The following SLC8A3 variants were observed in gnomAD, a reference collection of about 807,000 sequenced individuals.
SLC8A3 encodes sodium/calcium exchanger 3.
A neutral mutation model predicts 65.4 loss-of-function variants in SLC8A3; 37 were observed. That is an observed-to-expected ratio of 0.57 (90% CI 0.44 to 0.74). The LOEUF is 0.74. Ranked by LOEUF, SLC8A3 falls within the 30% of genes least tolerant of loss-of-function variation. The pLI is 0.00. For missense variants in SLC8A3, 1,112 were observed against 1,172.1 expected, an observed-to-expected ratio of 0.95 and a Z score of 0.75; for synonymous variants, 461 against 444.5, an observed-to-expected ratio of 1.04 and a Z score of -0.47.
chr14:70,169,305 G>C (rs970744176), intron 1 of SLC8A3, among the ~76,000 whole-genome samples: 3 of 152,158 alleles, frequency 2.0e-5, no homozygotes, highest in Admixed American at 2.0e-4. Context: ...GGCCATGTAA[G>C]TTGTGCCCAA....
intron 5 of SLC8A3, among the ~76,000 whole-genome samples, 185 bp downstream of exon 5, chr14:70,050,823 A>G (rs1394745091): frequency 6.6e-6 from 1 of 152,172 alleles, no homozygotes; most frequent in Non-Finnish European, 1.5e-5. Context: ...ACGATTTGAA[A>G]CCAGAGATAA....
Position 70,167,722 on chromosome 14 carries a change from C to G in SLC8A3, c.701G>C (p.Gly234Ala), listed in dbSNP as rs372758774. 7.4e-6 allele frequency: 12 copies of G among 1,613,996 alleles called. No homozygotes were observed. The highest frequency in any genetic ancestry group is 6.7e-5 in the African/African-American group (5 of 74,902). The change falls in exon 2 of 7, where the codon GGC becomes GCC. Residue 234 changes from glycine (G) to alanine (A), a missense_variant. By Grantham distance (60) the Gly-to-Ala change is moderately conservative (BLOSUM62 0). Coordinates refer to ENST00000356921, the MANE Select transcript of SLC8A3 (RefSeq NM_182932.3). The part of the protein sequence containing the change: ...FSPGVVQVWE[G>A]LLTLFFFPVC... ...TGGAAAGAAGAAGAGAGTGAGGAGG[C>G]CTTCCCAAACCTGGACCACACCAGG...
At position 70,166,626 on chromosome 14, in the gene SLC8A3, G is replaced by A. The variant is rs770580779; in HGVS notation, c.1784+13C>T. Reference sequence around the variant, plus strand: ...GGGGTCAGGGAGGGGCAGAATACAGGAAGGTTACTTACACAGTTTCATCAT... The same window carrying A: ...GGGGTCAGGGAGGGGCAGAATACAGAAAGGTTACTTACACAGTTTCATCAT... On this transcript the variant is annotated intron_variant, in intron 2 of 6. Transcript: ENST00000356921. 1 of 1,485,740 alleles carries A rather than the reference G, an allele frequency of 6.7e-7. No homozygotes were observed. Among genetic ancestry groups the A allele is most frequent in the Non-Finnish European group, 9.2e-7 (1 of 1,081,412 alleles). The allele number at this position is 1,485,740 out of a possible 1,614,324, so 92.0% of individuals were successfully genotyped here. A position where few individuals can be genotyped will look rare whatever the true frequency, so the allele number is the denominator to read the frequency against.
At chr14:70,155,083 C>G (rs1001003984) in intron 2 of SLC8A3, among the ~76,000 whole-genome samples, 3 of 152,072 alleles carry the variant, frequency 2.0e-5, no homozygotes, top group Admixed American at 2.0e-4. Context: ...CCATGCCCAG[C>G]TAATTTTTTG....
intron 1 of SLC8A3, among the ~76,000 whole-genome samples, chr14:70,182,801 T>C (rs1384699082): frequency 6.6e-6 from 1 of 152,094 alleles, no homozygotes; most frequent in Non-Finnish European, 1.5e-5. Flanking sequence ...AGATGGAGTT[T>C]GTGGAGGGAG....
intron 2 of SLC8A3, among the ~76,000 whole-genome samples, chr14:70,101,456 T>C (rs186693471): frequency 6.6e-6 from 1 of 152,236 alleles, no homozygotes; most frequent in Non-Finnish European, 1.5e-5. Context: ...AAAAGGTGGA[T>C]GAGGGACAAG....
intron 2 of SLC8A3, among the ~76,000 whole-genome samples, chr14:70,091,986 C>T (rs1189918083): frequency 6.6e-6 from 1 of 152,218 alleles, no homozygotes; most frequent in Non-Finnish European, 1.5e-5. Context: ...ACATTTCTCA[C>T]CACGTTACTT....
intron 1 of SLC8A3, among the ~76,000 whole-genome samples, chr14:70,171,968 C>G (rs1046364157): frequency 5.3e-5 from 8 of 152,288 alleles, no homozygotes; most frequent in African/African-American, 1.4e-4. Context: ...GCAGGAACAT[C>G]TCTAATGACC....
At chr14:70,053,302 T>C (rs1445410941) in intron 3 of SLC8A3, among the ~76,000 whole-genome samples, 1 of 152,210 alleles carries the variant, frequency 6.6e-6, no homozygotes. Flanking sequence ...CAGCCTGACT[T>C]CATTTAGTCT....
Position 70,167,064 on chromosome 14 carries a change from C to G in SLC8A3, c.1359G>C (p.Val453=). 1 of 1,613,992 alleles carries G rather than the reference C, an allele frequency of 6.2e-7. No individual in the cohort carries two copies. Among genetic ancestry groups the G allele is most frequent in the Non-Finnish European group, 8.5e-7 (1 of 1,180,036 alleles). ...GADYEFTEGT[V]VLKPGETQKE... is the part of the protein sequence containing the mutation. Reference sequence around the variant, plus strand: ...TCTGGGTCTCTCCTGGCTTCAGAACCACCGTGCCCTCTGTGAACTCATAGT... The same window carrying G: ...TCTGGGTCTCTCCTGGCTTCAGAACGACCGTGCCCTCTGTGAACTCATAGT... Residue 453 remains valine (V), a synonymous_variant, in exon 2 of 7, where the codon GTG becomes GTC. Coordinates refer to ENST00000356921, the MANE Select transcript of SLC8A3 (RefSeq NM_182932.3).
chr14:70,068,377 ATTC>A (rs1376462439), intron 2 of SLC8A3, among the ~76,000 whole-genome samples: 3 of 152,028 alleles, frequency 2.0e-5, no homozygotes, highest in Non-Finnish European at 2.9e-5. Context: ...TTCTTGTTTC[ATTC>A]TTCTTATTTA....
At chr14:70,166,244 T>A (rs1293742773) in intron 2 of SLC8A3, among the ~76,000 whole-genome samples, 2 of 152,178 alleles carry the variant, frequency 1.3e-5, no homozygotes, top group African/African-American at 2.4e-5. Flanking sequence ...AGCTCATAGA[T>A]ACCCTTCATA....
At chr14:70,091,834 C>A (rs1891824203) in intron 2 of SLC8A3, among the ~76,000 whole-genome samples, 1 of 152,152 alleles carries the variant, frequency 6.6e-6, no homozygotes, top group African/African-American at 2.4e-5. Context: ...GCTCATCTCA[C>A]CATCATCCTC....
rs572871389 is a variant in SLC8A3, at chr14:70,106,336, T to C, written c.1785-45397A>G. ...CTAATATTCTCACATACTTTTTTTA[T>C]TTTATGAGAAAAGAAAATATTCTTG... is the stretch of plus-strand genomic sequence containing the variant. On this transcript the variant is annotated intron_variant, in intron 2 of 6. Transcript: ENST00000356921. Among the ~76,000 whole-genome samples, 123 of 152,314 alleles carry C rather than the reference T, an allele frequency of 8.1e-4. 2 individuals are homozygous for C. Among genetic ancestry groups the C allele is most frequent in the African/African-American group, 2.9e-3 (120 of 41,556 alleles).
chr14:70,126,002 A>C (rs1170397925), intron 2 of SLC8A3, among the ~76,000 whole-genome samples: 2 of 152,234 alleles, frequency 1.3e-5, no homozygotes, highest in Non-Finnish European at 2.9e-5. Context: ...AAAATAAAGC[A>C]GTTCTGCTGC....
intron 3 of SLC8A3, among the ~76,000 whole-genome samples, chr14:70,053,191 G>C (rs1887695947): frequency 6.6e-6 from 1 of 152,184 alleles, no homozygotes. Flanking sequence ...GCTGTCCGTG[G>C]TGCTGTCCTT....
At chr14:70,174,427 A>G (rs1897739103) in intron 1 of SLC8A3, among the ~76,000 whole-genome samples, 1 of 152,212 alleles carries the variant, frequency 6.6e-6, no homozygotes, top group Non-Finnish European at 1.5e-5. Context: ...AGTTCCTTCC[A>G]GTCAAACATG....
chr14:70,177,238 G>A (rs1168600956), intron 1 of SLC8A3, among the ~76,000 whole-genome samples: 2 of 152,170 alleles, frequency 1.3e-5, no homozygotes, highest in Non-Finnish European at 2.9e-5. Flanking sequence ...AAAAATAGAA[G>A]GGATAATATC....
chr14:70,161,132 T>C (rs926462216), intron 2 of SLC8A3, among the ~76,000 whole-genome samples: 2 of 145,178 alleles, frequency 1.4e-5, no homozygotes, highest in Non-Finnish European at 3.0e-5. Flanking sequence ...TATATATATA[T>C]ATAAATATAA....
Sources: gnomAD v4.1 joint callset for allele counts (sites outside exome capture counted in the v4.1 genomes callset) on GRCh38, gnomAD v4.1.1 for gene constraint, MANE v1.5 for transcripts, NCBI Gene and HGNC (gene_info 2026-07-23, HGNC 2026-07-21) for gene names.